TMEM11: variants seen among roughly 807,000 people sequenced by gnomAD.
TMEM11 encodes the protein transmembrane protein 11, also known as transmembrane protein 11, mitochondrial.
Under a neutral mutation model 17.0 loss-of-function variants are expected in TMEM11, and 1 was observed. That is an observed-to-expected ratio of 0.06 (90% CI 0.02 to 0.28). The LOEUF (loss-of-function observed/expected upper bound fraction) is 0.28, where lower values mean the gene tolerates loss of function less well. Ranked by LOEUF, TMEM11 falls within the 10% of genes least tolerant of loss-of-function variation. The pLI, the probability that TMEM11 is intolerant of heterozygous loss-of-function variation, is 1.00. For synonymous variants in TMEM11, 122 were observed against 118.1 expected, an observed-to-expected ratio of 1.03 and a Z score of -0.21; for missense variants, 172 against 252.9, an observed-to-expected ratio of 0.68 and a Z score of 2.17.
At chr17:21,210,979 A>G (rs1014182568) in intron 1 of TMEM11, 3 of 1,289,490 alleles carry the variant, frequency 2.3e-6, no homozygotes, top group Non-Finnish European at 3.0e-6. Context: ...AGGGGCCCTG[A>G]GACAGTGAAG....
At chr17:21,200,791 C>T (rs1221715360) in intron 1 of TMEM11, among the ~76,000 whole-genome samples, 1 of 152,224 alleles carries the variant, frequency 6.6e-6, no homozygotes, top group East Asian at 1.9e-4. Flanking sequence ...TCCCGTCCGC[C>T]CAGCCTGTCC....
intron 1 of TMEM11, chr17:21,211,184 C>T (rs1974999242): frequency 3.9e-6 from 5 of 1,289,864 alleles, no homozygotes; most frequent in South Asian, 2.5e-5. Context: ...ATTCAGGTTA[C>T]AGCTCAGAGT....
rs747693047 is a variant in TMEM11, at chr17:21,198,878, G to C, written c.63-38C>G. The C allele has an allele frequency of 3.2e-6, 5 of 1,575,996 alleles. No homozygotes were observed. The highest frequency in any genetic ancestry group is 4.3e-6 in the Non-Finnish European group (5 of 1,160,468). On this transcript the variant is annotated intron_variant, in intron 1 of 1. Transcript: ENST00000317635. This position sits in a 1 kb window ranked among gnomAD's most constrained non-coding sequence, Gnocchi z 6.5. ...GGGGCAGGAAAGGGAGAGAGAGAGA[G>C]AGACAGGATGATTAGGCTGAGGAGC... is the stretch of plus-strand genomic sequence containing the variant.
intron 1 of TMEM11, among the ~76,000 whole-genome samples, chr17:21,204,797 G>A (rs993220564): frequency 4.6e-5 from 7 of 152,062 alleles, no homozygotes; most frequent in Non-Finnish European, 1.0e-4. Flanking sequence ...AAAAGTAAAA[G>A]GATCAGTGTC....
intron 1 of TMEM11, chr17:21,208,660 G>A (rs965014895): frequency 6.6e-6 from 1 of 152,274 alleles, no homozygotes; most frequent in Non-Finnish European, 1.5e-5. Flanking sequence ...GCAAATCTGA[G>A]TGGAAGCATC....
intron 1 of TMEM11, among the ~76,000 whole-genome samples, chr17:21,206,316 G>C (rs1353751533): frequency 6.6e-6 from 1 of 152,066 alleles, no homozygotes; most frequent in Non-Finnish European, 1.5e-5. Flanking sequence ...CCGCCTCCCG[G>C]GCTTAAGCGA....
chr17:21,210,568 T>C (rs886781699), intron 1 of TMEM11, among the ~76,000 whole-genome samples: 4 of 152,160 alleles, frequency 2.6e-5, no homozygotes, highest in East Asian at 1.9e-4. Flanking sequence ...CCCGGGACCA[T>C]GACCCAACCT....
chr17:21,211,281 T>C (rs1375610921), intron 1 of TMEM11: 2 of 1,243,536 alleles, frequency 1.6e-6, no homozygotes, highest in Non-Finnish European at 2.1e-6. Flanking sequence ...ACCATTTTGC[T>C]ATTTCCACCC....
Position 21,198,875 on chromosome 17 carries a change from A to T in TMEM11, c.63-35T>A, listed in dbSNP as rs1431397657. On this transcript the variant is annotated intron_variant, in intron 1 of 1. Coordinates refer to ENST00000317635, the MANE Select transcript of TMEM11 (RefSeq NM_003876.3). This position sits in a 1 kb window ranked among gnomAD's most constrained non-coding sequence, Gnocchi z 6.5. Reference sequence around the variant, plus strand: ...GAGGGGGCAGGAAAGGGAGAGAGAGAGAGAGACAGGATGATTAGGCTGAGG... The same window carrying T: ...GAGGGGGCAGGAAAGGGAGAGAGAGTGAGAGACAGGATGATTAGGCTGAGG... 1.9e-6 allele frequency: 3 copies of T among 1,581,240 alleles called. No homozygotes were observed. The African/African-American group carries it at 4.0e-5, about 21-fold the overall frequency.
At position 21,214,097 on chromosome 17, in the gene TMEM11, C is replaced by G; in HGVS notation, c.56G>C (p.Arg19Pro). The change falls in exon 1 of 2, where the codon CGA becomes CCA. Residue 19 changes from arginine (R) to proline (P), a missense_variant. Around this residue, in one of 2 missense-constraint regions of TMEM11, gnomAD observed 49 missense variants for 39.3 expected, o/e 1.25. Transcript: ENST00000317635. ...LGPGSSGGSA[R>P]ERVSLSATDC... ...ACAAGCCCTTGGATCTCACCTCTCT[C>G]GGGCGCTGCCGCCACTGCTGCCCGG... 6.2e-7 allele frequency: 1 copy of G among 1,610,430 alleles called. No homozygotes were observed. Among genetic ancestry groups the G allele is most frequent in the African/African-American group, 1.3e-5 (1 of 74,934 alleles).
At chr17:21,211,280 C>G in intron 1 of TMEM11, 1 of 1,241,856 alleles carries the variant, frequency 8.1e-7, no homozygotes, top group Non-Finnish European at 1.1e-6. Context: ...TACCATTTTG[C>G]TATTTCCACC....
intron 1 of TMEM11, among the ~76,000 whole-genome samples, chr17:21,204,346 A>AT (rs1026615363): frequency 2.7e-4 from 41 of 150,830 alleles, no homozygotes; most frequent in African/African-American, 9.5e-4. Flanking sequence ...AGGCAGAAGA[A>AT]TTGCTTGAAC....
At chr17:21,211,180 G>A in intron 1 of TMEM11, 1 of 1,289,858 alleles carries the variant, frequency 7.8e-7, no homozygotes, top group Non-Finnish European at 1.0e-6. Context: ...AAGAATTCAG[G>A]TTACAGCTCA....
intron 1 of TMEM11, among the ~76,000 whole-genome samples, chr17:21,209,246 C>T (rs768290178): frequency 7.2e-5 from 11 of 152,180 alleles, no homozygotes; most frequent in African/African-American, 2.7e-4. Context: ...GTGTGGGAGT[C>T]GAGAGGGTGG....
At chr17:21,204,606 C>T (rs1049051107) in intron 1 of TMEM11, among the ~76,000 whole-genome samples, 14 of 151,946 alleles carry the variant, frequency 9.2e-5, no homozygotes, top group African/African-American at 3.4e-4. Context: ...CAGAACACTT[C>T]TGAAAGGATA....
intron 1 of TMEM11, among the ~76,000 whole-genome samples, chr17:21,209,812 C>T (rs528279665): frequency 7.9e-5 from 12 of 152,248 alleles, no homozygotes; most frequent in African/African-American, 1.2e-4. Flanking sequence ...CAGAGCCACA[C>T]GTGGCTAATG....
intron 1 of TMEM11, among the ~76,000 whole-genome samples, chr17:21,206,756 G>C (rs915388855): frequency 6.6e-6 from 1 of 152,198 alleles, no homozygotes; most frequent in East Asian, 1.9e-4. Context: ...GGCTAGTCTC[G>C]AACTCCTGAT....
intron 1 of TMEM11, among the ~76,000 whole-genome samples, chr17:21,201,109 G>T (rs1974878564): frequency 6.6e-6 from 1 of 152,204 alleles, no homozygotes; most frequent in African/African-American, 2.4e-5. Flanking sequence ...TAACAGGCAG[G>T]GTTGCATTCT....
chr17:21,213,793 C>G, intron 1 of TMEM11: 1 of 430,842 alleles, frequency 2.3e-6, no homozygotes, highest in South Asian at 3.0e-5. Context: ...TCCCTGAGGC[C>G]TGCGCTGGGC....
Sources: allele counts gnomAD v4.1 joint callset (sites outside exome capture counted in the v4.1 genomes callset), GRCh38; gene constraint gnomAD v4.1.1; regional missense constraint gnomAD v4.1.1; non-coding constraint Gnocchi (gnomAD v3.1); transcripts MANE v1.5; gene names NCBI Gene and HGNC (gene_info 2026-07-23, HGNC 2026-07-21).